RNF13: variants seen among roughly 807,000 people sequenced by gnomAD.
RNF13 encodes E3 ubiquitin-protein ligase RNF13.
In RNF13, 19 loss-of-function variants were observed where a neutral mutation model predicts 37.7. The ratio of observed to expected loss-of-function variants is 0.50; its 90% CI spans 0.35 to 0.74. The LOEUF (loss-of-function observed/expected upper bound fraction) is 0.74, where lower values mean the gene tolerates loss of function less well. Ranked by LOEUF, RNF13 falls within the 30% of genes least tolerant of loss-of-function variation. The pLI is 0.01. For synonymous variants in RNF13, 144 were observed against 157.8 expected (o/e 0.91, Z 0.65); for missense variants, 375 against 453.0 (o/e 0.83, Z 1.56).
chr3:149,917,227 T>C (rs1275348152), intron 7 of RNF13: 3 of 152,216 alleles, frequency 2.0e-5, no homozygotes, highest in African/African-American at 7.2e-5. Context: ...GGGACATAGA[T>C]GTTCATTCAG....
chr3:149,935,073 G>GAATGTATAT (rs1339785007), intron 8 of RNF13, among the ~76,000 whole-genome samples: 1 of 152,218 alleles, frequency 6.6e-6, no homozygotes, highest in Non-Finnish European at 1.5e-5. Flanking sequence ...CTGATGAGAA[G>GAATGTATAT]AATGTATATT....
At chr3:149,870,306 G>A (rs1711872112) in intron 3 of RNF13, among the ~76,000 whole-genome samples, 1 of 151,536 alleles carries the variant, frequency 6.6e-6, no homozygotes, top group African/African-American at 2.4e-5. Context: ...AAAATGGGGG[G>A]AGGGGCATAG....
chr3:149,820,897 T>C (rs1719939302), intron 1 of RNF13, among the ~76,000 whole-genome samples: 1 of 152,244 alleles, frequency 6.6e-6, no homozygotes, highest in Non-Finnish European at 1.5e-5. Context: ...GAATTTTCAA[T>C]ATTTGAGTTT....
At chr3:149,923,590 C>A (rs970117537) in intron 8 of RNF13, among the ~76,000 whole-genome samples, 1 of 151,760 alleles carries the variant, frequency 6.6e-6, no homozygotes, top group Admixed American at 6.6e-5. Flanking sequence ...CATGGTGAAA[C>A]CCCGTCTCTA....
intron 4 of RNF13, among the ~76,000 whole-genome samples, chr3:149,873,377 T>A (rs62268819): frequency 1.3e-5 from 2 of 152,214 alleles, no homozygotes; most frequent in Non-Finnish European, 2.9e-5. Flanking sequence ...ATTGAATATC[T>A]GTTTTTGAAG....
chr3:149,853,384 T>C (rs190968366), intron 3 of RNF13, among the ~76,000 whole-genome samples: 67 of 152,034 alleles, frequency 4.4e-4, no homozygotes, highest in African/African-American at 1.6e-3. Context: ...TATCAAACTT[T>C]TGCTAATTTG....
At chr3:149,958,462 T>G (rs563231395) in intron 8 of RNF13, among the ~76,000 whole-genome samples, 1 of 152,304 alleles carries the variant, frequency 6.6e-6, no homozygotes, top group African/African-American at 2.4e-5. Flanking sequence ...CTTCCACTTT[T>G]CAAAACCCTT....
chr3:149,915,001 G>A (rs1717362153), intron 7 of RNF13, among the ~76,000 whole-genome samples: 1 of 151,850 alleles, frequency 6.6e-6, no homozygotes, highest in Non-Finnish European at 1.5e-5. Flanking sequence ...TTAACATTGT[G>A]CTATATTTTT....
intron 4 of RNF13, among the ~76,000 whole-genome samples, chr3:149,876,964 G>C (rs1164886775): frequency 1.3e-5 from 2 of 151,802 alleles, no homozygotes; most frequent in African/African-American, 4.8e-5. Context: ...GTTTTTAGTA[G>C]AGATGGTATT....
At chr3:149,871,828 A>T (rs925817597) in intron 3 of RNF13, among the ~76,000 whole-genome samples, 1 of 152,202 alleles carries the variant, frequency 6.6e-6, no homozygotes, top group Non-Finnish European at 1.5e-5. Flanking sequence ...AATACAAAAG[A>T]TAGAACTTAT....
rs957325952 is a variant in RNF13 at position 149,911,834 on chromosome 3, A to G, written c.501-144A>G. The stretch of plus-strand genomic sequence containing the variant: ...AGCATTCCTTAAATTATTGAAAGTC[A>G]TATTTTAGAAAATGAAATGTATGTA... On this transcript the variant is annotated intron_variant, in intron 6 of 9. Transcript: ENST00000392894. 3 of 599,874 alleles carry G rather than the reference A, an allele frequency of 5.0e-6. No homozygotes were observed. The East Asian group carries it at 8.5e-5, about 17-fold the overall frequency. The allele number at this position is 599,874 out of a possible 1,614,324, so 37.2% of individuals were successfully genotyped here. A position where few individuals can be genotyped will look rare whatever the true frequency, so the allele number is the denominator to read the frequency against.
At chr3:149,889,449 C>T (rs552560820) in intron 4 of RNF13, among the ~76,000 whole-genome samples, 4 of 146,202 alleles carry the variant, frequency 2.7e-5, no homozygotes, top group African/African-American at 1.0e-4. Context: ...GGACTACAGG[C>T]GTGTGCCACC....
intron 1 of RNF13, among the ~76,000 whole-genome samples, chr3:149,835,007 T>G (rs2108348164): frequency 6.6e-6 from 1 of 152,336 alleles, no homozygotes; most frequent in East Asian, 1.9e-4. Flanking sequence ...TTATACCATA[T>G]GCAACAGTTA....
chr3:149,868,817 C>A (rs1055137229), intron 3 of RNF13, among the ~76,000 whole-genome samples: 1 of 151,688 alleles, frequency 6.6e-6, no homozygotes, highest in African/African-American at 2.4e-5. Context: ...TAGTGTATGT[C>A]TTGGGGTAGT....
chr3:149,949,382 A>C (rs1234752816), intron 8 of RNF13, among the ~76,000 whole-genome samples: 1 of 150,348 alleles, frequency 6.7e-6, no homozygotes, highest in African/African-American at 2.4e-5. Flanking sequence ...GGTTTCTGCT[A>C]AGTCTGCTGA....
At chr3:149,900,873 G>A (rs1296532093) in intron 5 of RNF13, among the ~76,000 whole-genome samples, 8 of 151,886 alleles carry the variant, frequency 5.3e-5, no homozygotes, top group African/African-American at 1.7e-4. Context: ...GAGAGAGAAT[G>A]TATGAGAGTT....
rs562411778 is a variant in RNF13 at position 149,844,687 on chromosome 3, C to T, written c.-16-1324C>T. Among the ~76,000 whole-genome samples, 107 of 152,302 alleles carry T rather than the reference C, an allele frequency of 7.0e-4. 2 individuals are homozygous for T. The Middle Eastern group carries it at 0.01, about 15-fold the overall frequency. ...AGCAATCTCAGGCCTGCTGTGTTAA[C>T]TCTTTTCTGTACCATGGTATGTTAT... On this transcript the variant is annotated intron_variant, in intron 1 of 9. Transcript: ENST00000392894.
At chr3:149,895,881 T>G (rs573349104) in intron 5 of RNF13, among the ~76,000 whole-genome samples, 9 of 152,328 alleles carry the variant, frequency 5.9e-5, no homozygotes, top group African/African-American at 2.2e-4. Flanking sequence ...TATTTAGAGA[T>G]TCACAGCATT....
chr3:149,830,912 T>C (rs555934531), intron 1 of RNF13, among the ~76,000 whole-genome samples: 4 of 152,252 alleles, frequency 2.6e-5, no homozygotes, highest in East Asian at 3.9e-4. Context: ...GGGTCCTAGC[T>C]GTGGCTAAAA....
Sources: allele counts gnomAD v4.1 joint callset (sites outside exome capture counted in the v4.1 genomes callset), GRCh38; gene constraint gnomAD v4.1.1; transcripts MANE v1.5; gene names NCBI Gene and HGNC (gene_info 2026-07-23, HGNC 2026-07-21).